Variants in OR51B5 observed in about 807,000 individuals in gnomAD.
OR51B5 encodes olfactory receptor family 51 subfamily B member 5.
For synonymous variants in OR51B5, 186 were observed against 144.8 expected (o/e 1.28, Z -2.04); for missense variants, 456 against 374.6 (o/e 1.22, Z -1.79).
At chr11:5,372,029 G>T (rs181435776) in intron 1 of OR51B5, among the ~76,000 whole-genome samples, 3 of 152,016 alleles carry the variant, frequency 2.0e-5, no homozygotes, top group Admixed American at 1.3e-4. Context: ...ATTTCACTTA[G>T]CAAAATGTAC....
chr11:5,460,024 C>A (rs1315095562), intron 1 of OR51B5, among the ~76,000 whole-genome samples: 1 of 152,038 alleles, frequency 6.6e-6, no homozygotes, highest in Non-Finnish European at 1.5e-5. Context: ...CAAACATATA[C>A]ACCATGGAAT....
chr11:5,417,567 A>C (rs912888973), intron 1 of OR51B5, among the ~76,000 whole-genome samples: 71 of 149,376 alleles, frequency 4.8e-4, no homozygotes, highest in African/African-American at 1.7e-3. Flanking sequence ...CAATGAACTC[A>C]AACAAATTTA....
At position 5,436,150 on chromosome 11, in the gene OR51B5, T is replaced by C. The variant is rs115201751; in HGVS notation, n.84+69419A>G. ...GGGAATTAAGTCACATTAAGGACAC[T>C]GAAGGAATGAGTGATGCTTCATTTT... On this transcript the variant is annotated intron_variant and non_coding_transcript_variant, in intron 1 of 4. Coordinates refer to the OR51B5 transcript ENST00000415970. Among the ~76,000 whole-genome samples the C allele has an allele frequency of 2.2e-3, 328 of 152,276 alleles. 1 individual carries two copies. The highest frequency in any genetic ancestry group is 7.6e-3 in the African/African-American group (315 of 41,556).
chr11:5,456,862 T>C (rs1850967600), intron 1 of OR51B5, among the ~76,000 whole-genome samples: 1 of 152,220 alleles, frequency 6.6e-6, no homozygotes, highest in South Asian at 2.1e-4. Flanking sequence ...GTTCTCATGA[T>C]AGTGAGTGAG....
In OR51B5 at chr11:5,428,980, G is replaced by T. The variant is rs994933210; in HGVS notation, n.84+76589C>A. On this transcript the variant is annotated intron_variant and non_coding_transcript_variant, in intron 1 of 4. Transcript: ENST00000415970. ...CACAAGATTTGTGACTGCTCCAATTGGTCCTATAGTTAACATTGCTACTGT... is the reference window on the plus strand; with the variant it reads ...CACAAGATTTGTGACTGCTCCAATTTGTCCTATAGTTAACATTGCTACTGT... Among the ~76,000 whole-genome samples the T allele has an allele frequency of 7.2e-5, 11 of 152,096 alleles. No individual in the cohort carries two copies. In the East Asian group the frequency reaches 2.1e-3, roughly 29 times the overall value.
At chr11:5,445,199 T>C (rs1452917501) in intron 1 of OR51B5, among the ~76,000 whole-genome samples, 3 of 152,078 alleles carry the variant, frequency 2.0e-5, no homozygotes, top group African/African-American at 4.8e-5. Flanking sequence ...GACTATGAAA[T>C]AGAGACTTAA....
intron 1 of OR51B5, among the ~76,000 whole-genome samples, chr11:5,398,763 T>C (rs1160819824): frequency 6.6e-6 from 1 of 152,182 alleles, no homozygotes; most frequent in Non-Finnish European, 1.5e-5. Flanking sequence ...TTCCCTCTTC[T>C]TGCTCACTCT....
chr11:5,342,537 A>G (rs765524358), downstream of OR51B5: 3 of 1,522,062 alleles, frequency 2.0e-6, no homozygotes, highest in East Asian at 6.8e-5. Context: ...CTCTCCTGCT[A>G]AATATTAGAG....
chr11:5,364,348 A>C (rs1013125718), intron 1 of OR51B5, among the ~76,000 whole-genome samples: 2 of 152,168 alleles, frequency 1.3e-5, no homozygotes, highest in African/African-American at 2.4e-5. Flanking sequence ...GAGGCAAGCC[A>C]AATGCAGAAA....
intron 1 of OR51B5, among the ~76,000 whole-genome samples, chr11:5,460,717 A>C (rs1033684716): frequency 2.0e-5 from 3 of 152,284 alleles, no homozygotes; most frequent in African/African-American, 7.2e-5. Flanking sequence ...ATGTTCCCTT[A>C]ATCTTTGAAG....
At chr11:5,453,961 CT>C (rs746699735) in intron 1 of OR51B5, 232 of 1,614,004 alleles carry the variant, frequency 1.4e-4, no homozygotes, top group Non-Finnish European at 1.5e-5. Flanking sequence ...ACCCTTTTCC[CT>C]CTTCCCTTTC....
chr11:5,431,117 T>C (rs1016291424), intron 1 of OR51B5: 10 of 415,700 alleles, frequency 2.4e-5, no homozygotes, highest in Admixed American at 2.3e-4. Context: ...CTCAAAAGGA[T>C]TGGAAGTGGG....
chr11:5,390,631 T>C (rs1849781655), intron 1 of OR51B5: 1 of 430,054 alleles, frequency 2.3e-6, no homozygotes, highest in African/African-American at 2.0e-5. Flanking sequence ...GCAACTTTAT[T>C]GAAGGTCATC....
intron 1 of OR51B5, among the ~76,000 whole-genome samples, chr11:5,417,489 C>A (rs980259173): frequency 2.1e-4 from 32 of 150,984 alleles, no homozygotes; most frequent in Non-Finnish European, 4.3e-4. Flanking sequence ...AGTGAACAGG[C>A]AACCCACAAA....
chr11:5,495,221 C>A (rs1046111934), intron 1 of OR51B5, among the ~76,000 whole-genome samples: 6 of 152,086 alleles, frequency 3.9e-5, no homozygotes, highest in Non-Finnish European at 8.8e-5. Flanking sequence ...GAAAACAGTT[C>A]TTCAAGTTGA....
At chr11:5,353,538 T>C (rs970922161) in intron 1 of OR51B5, among the ~76,000 whole-genome samples, 2 of 152,208 alleles carry the variant, frequency 1.3e-5, no homozygotes, top group African/African-American at 4.8e-5. Context: ...AATGGCCTTT[T>C]CTGGCTCCAA....
chr11:5,493,504 A>T (rs1399209519), intron 1 of OR51B5, among the ~76,000 whole-genome samples: 1 of 152,206 alleles, frequency 6.6e-6, no homozygotes, highest in Non-Finnish European at 1.5e-5. Flanking sequence ...GACATGAGAA[A>T]TCATAAGAAG....
At chr11:5,344,087 T>C (rs916794258), upstream of OR51B5, among the ~76,000 whole-genome samples, 72 of 152,190 alleles carry the variant, frequency 4.7e-4, no homozygotes, top group Non-Finnish European at 8.8e-5. Flanking sequence ...AGCAGTCAGA[T>C]TGAGAAAGAG....
intron 1 of OR51B5, among the ~76,000 whole-genome samples, chr11:5,375,113 C>G (rs1051768777): frequency 6.7e-6 from 1 of 149,508 alleles, no homozygotes; most frequent in East Asian, 1.9e-4. Context: ...AAGGGAAGCC[C>G]ATCAGACTAA....
Sources: gnomAD v4.1 joint callset for allele counts (sites outside exome capture counted in the v4.1 genomes callset) on GRCh38, gnomAD v4.1.1 for gene constraint, MANE v1.5 for transcripts, NCBI Gene and HGNC (gene_info 2026-07-23, HGNC 2026-07-21) for gene names.